The following SCN4B variants were observed in gnomAD, a reference collection of about 807,000 sequenced individuals.
The protein encoded by SCN4B is sodium channel regulatory subunit beta-4.
SCN4B carries 20 observed loss-of-function variants against 19.6 expected under a neutral mutation model. That is an observed-to-expected ratio of 1.02 (90% CI 0.72 to 1.48). SCN4B has a LOEUF of 1.48. Ranked by LOEUF, SCN4B falls within the 40% of genes most tolerant of loss-of-function variation. The probability of loss-of-function intolerance (pLI) is 0.00; values close to 1 mark genes in which losing one functional copy is unlikely to be tolerated. For missense variants in SCN4B, 271 were observed against 287.5 expected (o/e 0.94, Z 0.42); for synonymous variants, 127 against 122.8 (o/e 1.03, Z -0.22).
rs1227567022 is a variant in SCN4B, at chr11:118,136,962, G to A, written c.*65C>T. The A allele has an allele frequency of 6.2e-6, 7 of 1,128,654 alleles. No homozygotes were observed. In the African/African-American group the frequency reaches 9.2e-5, roughly 15 times the overall value. The allele number at this position is 1,128,654 out of a possible 1,614,324, so 69.9% of individuals were successfully genotyped here. ...TCAGGCACGTGGGTTCTACGGTCGGGGCTCAAGCATCAGTTTCATCATCAG... is the reference window on the plus strand; with the variant it reads ...TCAGGCACGTGGGTTCTACGGTCGGAGCTCAAGCATCAGTTTCATCATCAG... On this transcript the variant is annotated 3_prime_UTR_variant, in exon 5 of 5. Coordinates refer to ENST00000324727, the MANE Select transcript of SCN4B (RefSeq NM_174934.4).
intron 3 of SCN4B, among the ~76,000 whole-genome samples, chr11:118,143,298 G>A (rs971184781): frequency 1.3e-5 from 2 of 152,200 alleles, no homozygotes; most frequent in Non-Finnish European, 2.9e-5. Context: ...GAGGACAAGG[G>A]CCATGTCTTA....
Position 118,135,140 on chromosome 11 carries a change from T to C in SCN4B, c.*1887A>G, listed in dbSNP as rs1358199893. ...GAATGGCTGGTGGCTCTGGTCTGTC[T>C]GCTCCCAAAGCCAGGAAAATCTGAG... On this transcript the variant is annotated 3_prime_UTR_variant, in exon 5 of 5. Coordinates refer to ENST00000324727, the MANE Select transcript of SCN4B (RefSeq NM_174934.4). 2.2e-6 allele frequency: 1 copy of C among 453,998 alleles called. No homozygotes were observed. The highest frequency in any genetic ancestry group is 2.0e-5 in the African/African-American group (1 of 49,994). The allele number at this position is 453,998 out of a possible 1,614,324, so 28.1% of individuals were successfully genotyped here.
chr11:118,141,469 C>A (rs1591434632), intron 3 of SCN4B, 133 bp from the exon 4 acceptor site: 6 of 947,722 alleles, frequency 6.3e-6, no homozygotes, highest in East Asian at 2.6e-5. Flanking sequence ...ACTCCCAGAC[C>A]CCCAGCCCTC....
chr11:118,141,397 C>G, intron 3 of SCN4B, 61 bp from the exon 4 acceptor site: 1 of 1,607,950 alleles, frequency 6.2e-7, no homozygotes, highest in South Asian at 1.1e-5. Context: ...CAACCTGGAG[C>G]CGAGAACTGT....
chr11:118,140,415 A>G (rs1051921562), intron 4 of SCN4B, among the ~76,000 whole-genome samples: 3 of 152,222 alleles, frequency 2.0e-5, no homozygotes, highest in Admixed American at 6.5e-5. Flanking sequence ...AGAATGTTTC[A>G]GCAAATAGGG....
Position 118,136,043 on chromosome 11 carries a change from G to GA in SCN4B, c.*983_*984insT, listed in dbSNP as rs1947995125. 2.3e-6 allele frequency: 1 copy of GA among 438,394 alleles called. No homozygotes were observed. The highest frequency in any genetic ancestry group is 2.0e-5 in the African/African-American group (1 of 49,560). 27.2% of individuals were successfully genotyped at this position (438,394 alleles called of 1,614,324 possible). A position where few individuals can be genotyped will look rare whatever the true frequency, so the allele number is the denominator to read the frequency against. On this transcript the variant is annotated 3_prime_UTR_variant, in exon 5 of 5. Transcript: ENST00000324727. ...GGCGTGATGGAGGGCACGGTGGGGG[G>GA]GGGGGAGCGAGCCAATGGGAGGTTG...
chr11:118,150,439 C>T (rs1189512509), intron 1 of SCN4B, among the ~76,000 whole-genome samples: 3 of 152,034 alleles, frequency 2.0e-5, no homozygotes, highest in Non-Finnish European at 2.9e-5. Flanking sequence ...CGCTCTAGGC[C>T]CCTCAAGTCT....
chr11:118,135,884 G>T lies in SCN4B; in HGVS notation c.*1143C>A. ...ACTCCCTGCTCCTCCCCAACCCCAG[G>T]GTGGGAGGGGGTGGCCCAGCTGAGC... On this transcript the variant is annotated 3_prime_UTR_variant, in exon 5 of 5. Transcript: ENST00000324727. 1 of 454,438 alleles carries T rather than the reference G, an allele frequency of 2.2e-6. No individual in the cohort carries two copies. The highest frequency in any genetic ancestry group is 1.6e-5 in the South Asian group (1 of 64,476). 28.2% of individuals were successfully genotyped at this position (454,438 alleles called of 1,614,324 possible).
At position 118,133,439 on chromosome 11, in the gene SCN4B, T is replaced by C. The variant is rs1193415584; in HGVS notation, c.*3588A>G. 4.6e-6 allele frequency: 2 copies of C among 438,178 alleles called. No individual in the cohort carries two copies. Among genetic ancestry groups the C allele is most frequent in the Admixed American group, 4.8e-5 (2 of 41,342 alleles). 27.1% of individuals were successfully genotyped at this position (438,178 alleles called of 1,614,324 possible). The stretch of plus-strand genomic sequence containing the variant: ...TAAATACAATTCTACAATGCAAAAC[T>C]TGTTGTAGAGGCCAGACTGATTATA... On this transcript the variant is annotated 3_prime_UTR_variant, in exon 5 of 5. Transcript: ENST00000324727.
rs1947949671 is a variant in SCN4B, at chr11:118,133,702, G to A, written c.*3325C>T. ...TGGGAGGGTAGGGACTCCAACCTGG[G>A]ACAAAGTAAAGTAAAGCAAGTTATA... On this transcript the variant is annotated 3_prime_UTR_variant, in exon 5 of 5. Coordinates refer to ENST00000324727, the MANE Select transcript of SCN4B (RefSeq NM_174934.4). 2.2e-6 allele frequency: 1 copy of A among 454,424 alleles called. No individual in the cohort carries two copies. Among genetic ancestry groups the A allele is most frequent in the Non-Finnish European group, 4.4e-6 (1 of 226,788 alleles). The allele number at this position is 454,424 out of a possible 1,614,324, so 28.1% of individuals were successfully genotyped here.
In SCN4B at chr11:118,145,485, G is replaced by A. The variant is rs796815244; in HGVS notation, c.62-256C>T. ...GTTGCGCTCTGGATGACCACCAGGG[G>A]TCACCCCAACCCAAGGAAACAAAGG... On this transcript the variant is annotated intron_variant, in intron 1 of 4. Transcript: ENST00000324727. 1.6e-5 allele frequency: 22 copies of A among 1,403,104 alleles called. No individual in the cohort carries two copies. The African/African-American group carries it at 2.0e-4, about 13-fold the overall frequency. 86.9% of individuals were successfully genotyped at this position (1,403,104 alleles called of 1,614,324 possible). A position where few individuals can be genotyped will look rare whatever the true frequency, so the allele number is the denominator to read the frequency against.
rs200187535 is a variant in SCN4B at position 118,152,571 on chromosome 11, T to A, written c.61+42A>T. ...TCTCGAGTGTCCCCTTCTTTGGGGG[T>A]GGGGGGAGGCAAGAGAAGAGACCAA... On this transcript the variant is annotated intron_variant, in intron 1 of 4. Coordinates refer to ENST00000324727, the MANE Select transcript of SCN4B (RefSeq NM_174934.4). The A allele has an allele frequency of 8.0e-4, 1,225 of 1,524,742 alleles. 8 individuals are homozygous for A. The African/African-American group carries it at 0.014, about 17-fold the overall frequency. 94.5% of individuals were successfully genotyped at this position (1,524,742 alleles called of 1,614,324 possible).
At position 118,136,213 on chromosome 11, in the gene SCN4B, A is replaced by G. The variant is rs1307331018; in HGVS notation, c.*814T>C. On this transcript the variant is annotated 3_prime_UTR_variant, in exon 5 of 5. Transcript: ENST00000324727. ...GGCGGGCATCCCAGAGGCCCAGGAC[A>G]CTGGCTCACTACCTCTGTGGCCCAA... The G allele has an allele frequency of 2.2e-6, 1 of 453,740 alleles. No homozygotes were observed. Among genetic ancestry groups the G allele is most frequent in the East Asian group, 7.0e-5 (1 of 14,344 alleles). The allele number at this position is 453,740 out of a possible 1,614,324, so 28.1% of individuals were successfully genotyped here.
chr11:118,152,496 C>T, intron 1 of SCN4B, 117 bp downstream of exon 1: 1 of 872,222 alleles, frequency 1.1e-6, no homozygotes, highest in Non-Finnish European at 1.9e-6. Flanking sequence ...CGGCCACCAT[C>T]CTCATTCCGT....
At position 118,148,074 on chromosome 11, in the gene SCN4B, C is replaced by T. The variant is rs1948199777; in HGVS notation, c.62-2845G>A. Among the ~76,000 whole-genome samples, 1 of 152,208 alleles carries T rather than the reference C, an allele frequency of 6.6e-6. No homozygotes were observed. On this transcript the variant is annotated intron_variant, in intron 1 of 4. Transcript: ENST00000324727. The surrounding 1 kb of genome is among the most constrained non-coding windows in gnomAD (Gnocchi z 4.0). The stretch of plus-strand genomic sequence containing the variant: ...CACGTTTCTGCCTGGTTTGTGTGCA[C>T]CTATGTGGATGACTTAAGTCCAATA...
At chr11:118,142,551 A>C (rs541217572) in intron 3 of SCN4B, among the ~76,000 whole-genome samples, 285 of 149,606 alleles carry the variant, frequency 1.9e-3, no homozygotes, top group African/African-American at 6.8e-3. Context: ...TTCTATTGGT[A>C]TCTCCATACA....
rs1351793299 is a variant in SCN4B at position 118,134,712 on chromosome 11, A to T, written c.*2315T>A. On this transcript the variant is annotated 3_prime_UTR_variant, in exon 5 of 5. Coordinates refer to ENST00000324727, the MANE Select transcript of SCN4B (RefSeq NM_174934.4). ...AGAGAGAGAGAGTGTGTGTGTCTGTATGTGGGTTGTAGAGATGGGACACAG... is the reference window on the plus strand; with the variant it reads ...AGAGAGAGAGAGTGTGTGTGTCTGTTTGTGGGTTGTAGAGATGGGACACAG... 1 of 454,040 alleles carries T rather than the reference A, an allele frequency of 2.2e-6. No individual in the cohort carries two copies. Among genetic ancestry groups the T allele is most frequent in the African/African-American group, 2.0e-5 (1 of 50,098 alleles). 28.1% of individuals were successfully genotyped at this position (454,040 alleles called of 1,614,324 possible).
chr11:118,146,548 G>A (rs780511407), intron 1 of SCN4B, among the ~76,000 whole-genome samples: 1 of 152,220 alleles, frequency 6.6e-6, no homozygotes, highest in Non-Finnish European at 1.5e-5. Context: ...ATGCGTCTGA[G>A]CAATGCTTTT....
chr11:118,133,801 G>A lies in SCN4B; in HGVS notation c.*3226C>T, dbSNP rs552403681. 9.0e-4 allele frequency: 410 copies of A among 454,578 alleles called. 7 individuals are homozygous for A. Among genetic ancestry groups the A allele is most frequent in the South Asian group, 6.3e-3 (405 of 64,474 alleles). 28.2% of individuals were successfully genotyped at this position (454,578 alleles called of 1,614,324 possible). On this transcript the variant is annotated 3_prime_UTR_variant, in exon 5 of 5. Transcript: ENST00000324727. ...TCTGATGGCAGCTGTCTGTGACACT[G>A]AGATGAAGTCATGGAGTGACGGAAT...
Sources: allele counts gnomAD v4.1 joint callset (sites outside exome capture counted in the v4.1 genomes callset), GRCh38; gene constraint gnomAD v4.1.1; non-coding constraint Gnocchi (gnomAD v3.1); transcripts MANE v1.5; gene names NCBI Gene and HGNC (gene_info 2026-07-23, HGNC 2026-07-21).